Variants in GNA14 observed in about 807,000 individuals in gnomAD.
GNA14 encodes guanine nucleotide-binding protein subunit alpha-14.
In GNA14, 50 loss-of-function variants were observed where a neutral mutation model predicts 42.0. The ratio of observed to expected loss-of-function variants is 1.19; its 90% CI spans 0.95 to 1.51. The LOEUF (loss-of-function observed/expected upper bound fraction) is 1.51, where lower values mean the gene tolerates loss of function less well. Among genes scored for constraint, GNA14 ranks in the 40% most tolerant of loss-of-function variants. GNA14 has a pLI of 0.00. For synonymous variants in GNA14, 173 were observed against 163.1 expected, an observed-to-expected ratio of 1.06 and a Z score of -0.46; for missense variants, 473 against 446.2, an observed-to-expected ratio of 1.06 and a Z score of -0.54.
chr9:77,426,414 C>T (rs1416880313), intron 5 of GNA14, among the ~76,000 whole-genome samples: 1 of 152,140 alleles, frequency 6.6e-6, no homozygotes, highest in African/African-American at 2.4e-5. Context: ...AAGTGATTCT[C>T]CTGCCTCAGC....
chr9:77,434,375 C>A lies in GNA14; in HGVS notation c.457G>T (p.Ala153Ser). ...GGTGGGCTCTGTACTCACTATTTGG[C>A]AGAGTCCGACAGCTGGTACTCCCTC... ...RRREYQLSDS[A>S]KYYLTDIDRI... The change falls in exon 3 of 7, where the codon GCC becomes TCC. Residue 153 changes from alanine to serine, a missense_variant. By Grantham distance (99) the Ala-to-Ser change is moderately conservative. Coordinates refer to ENST00000341700, the MANE Select transcript of GNA14 (RefSeq NM_004297.4). 1 of 1,613,434 alleles carries A rather than the reference C, an allele frequency of 6.2e-7. No individual in the cohort carries two copies. The highest frequency in any genetic ancestry group is 1.3e-5 in the African/African-American group (1 of 75,018).
At chr9:77,515,029 G>A (rs554137207) in intron 2 of GNA14, among the ~76,000 whole-genome samples, 11 of 152,286 alleles carry the variant, frequency 7.2e-5, no homozygotes, top group African/African-American at 2.6e-4. Context: ...CCTGGGAGAA[G>A]CAGGAAACCA....
chr9:77,585,851 G>A (rs896736427), intron 1 of GNA14, among the ~76,000 whole-genome samples: 4 of 152,246 alleles, frequency 2.6e-5, no homozygotes, highest in South Asian at 4.1e-4. Context: ...CTTGGGCTGC[G>A]GGAGGTTTTT....
intron 2 of GNA14, among the ~76,000 whole-genome samples, chr9:77,476,023 G>A (rs1836415552): frequency 6.6e-6 from 1 of 152,174 alleles, no homozygotes; most frequent in Non-Finnish European, 1.5e-5. Context: ...TGGCTTGGCA[G>A]AAATACATGT....
At chr9:77,635,607 A>C (rs1824172138) in intron 1 of GNA14, among the ~76,000 whole-genome samples, 1 of 152,216 alleles carries the variant, frequency 6.6e-6, no homozygotes, top group Non-Finnish European at 1.5e-5. Flanking sequence ...CTTGAGTCCA[A>C]GGCTTATGTC....
intron 2 of GNA14, among the ~76,000 whole-genome samples, chr9:77,513,524 T>C (rs922982159): frequency 6.6e-6 from 1 of 152,196 alleles, no homozygotes; most frequent in African/African-American, 2.4e-5. Flanking sequence ...GTATACACAG[T>C]CCCTGCCCTT....
At chr9:77,605,337 T>C (rs1424504817) in intron 1 of GNA14, among the ~76,000 whole-genome samples, 1 of 152,202 alleles carries the variant, frequency 6.6e-6, no homozygotes, top group African/African-American at 2.4e-5. Flanking sequence ...AAGATTTCTA[T>C]ACAGAGATGA....
intron 5 of GNA14, among the ~76,000 whole-genome samples, chr9:77,428,326 G>A (rs1455855527): frequency 6.6e-6 from 1 of 151,896 alleles, no homozygotes; most frequent in East Asian, 1.9e-4. Context: ...TGATCCACCT[G>A]CCTCGGCCTC....
chr9:77,456,607 T>G (rs1206308479), intron 2 of GNA14: 1 of 152,178 alleles, frequency 6.6e-6, no homozygotes, highest in Non-Finnish European at 1.5e-5. Flanking sequence ...TGTGACTGTT[T>G]CCATATGGAA....
chr9:77,493,026 A>AAAAATATATATATATATATAT (rs1554691641), intron 2 of GNA14, among the ~76,000 whole-genome samples: 3 of 51,678 alleles, frequency 5.8e-5, no homozygotes, highest in Non-Finnish European at 9.8e-5. Context: ...AAAAAAAAAA[A>AAAAATATATATATATATATAT]ATATATATAT....
chr9:77,622,564 C>T (rs1399453979), intron 1 of GNA14, among the ~76,000 whole-genome samples: 1 of 150,712 alleles, frequency 6.6e-6, no homozygotes, highest in East Asian at 2.0e-4. Context: ...GTCAGGAGAT[C>T]GAGATCATCC....
At chr9:77,628,575 C>T (rs1390801595) in intron 1 of GNA14, among the ~76,000 whole-genome samples, 1 of 152,018 alleles carries the variant, frequency 6.6e-6, no homozygotes, top group African/African-American at 2.4e-5. Flanking sequence ...AGCCTCAGGA[C>T]TAACACTACA....
intron 2 of GNA14, among the ~76,000 whole-genome samples, chr9:77,478,005 G>C (rs1438610739): frequency 6.7e-6 from 1 of 148,440 alleles, no homozygotes; most frequent in Non-Finnish European, 1.5e-5. Flanking sequence ...ACAGAAAACA[G>C]AATGAGAGAC....
At chr9:77,578,100 T>C (rs79417959) in intron 1 of GNA14, among the ~76,000 whole-genome samples, 2,753 of 152,008 alleles carry the variant, frequency 0.018, 44 homozygotes, top group Non-Finnish European at 0.026. Context: ...ATGGTGAAAC[T>C]CCGTCTCTAC....
chr9:77,609,460 C>A (rs1348056609), intron 1 of GNA14, among the ~76,000 whole-genome samples: 3 of 152,196 alleles, frequency 2.0e-5, no homozygotes, highest in Non-Finnish European at 4.4e-5. Context: ...CTAGCACACA[C>A]CTCAAAACTC....
chr9:77,645,898 T>A (rs1383217381), intron 1 of GNA14, among the ~76,000 whole-genome samples: 1 of 152,104 alleles, frequency 6.6e-6, no homozygotes, highest in East Asian at 1.9e-4. Flanking sequence ...AAAAGTTACA[T>A]ACGCAACTAA....
intron 1 of GNA14, among the ~76,000 whole-genome samples, chr9:77,609,804 A>C (rs1231698620): frequency 6.6e-6 from 1 of 152,192 alleles, no homozygotes; most frequent in African/African-American, 2.4e-5. Flanking sequence ...TGTGATTTAA[A>C]AGCCTCAGAA....
chr9:77,597,864 C>G (rs142038016), intron 1 of GNA14, among the ~76,000 whole-genome samples: 1 of 152,016 alleles, frequency 6.6e-6, no homozygotes, highest in East Asian at 2.0e-4. Context: ...GAGTTCGAGA[C>G]CAGCCTGGCC....
chr9:77,555,769 T>C (rs1339080071), intron 1 of GNA14, among the ~76,000 whole-genome samples: 2 of 152,202 alleles, frequency 1.3e-5, no homozygotes, highest in African/African-American at 2.4e-5. Context: ...GTTGCCCAAA[T>C]GCCTGAACAA....
Sources: gnomAD v4.1 joint callset for allele counts (sites outside exome capture counted in the v4.1 genomes callset) on GRCh38, gnomAD v4.1.1 for gene constraint, MANE v1.5 for transcripts, NCBI Gene and HGNC (gene_info 2026-07-23, HGNC 2026-07-21) for gene names.